GALNTL6: variants seen among roughly 807,000 people sequenced by gnomAD.
GALNTL6 encodes the protein polypeptide N-acetylgalactosaminyltransferase like 6, also known as polypeptide N-acetylgalactosaminyltransferase-like 6.
In GALNTL6, 46 loss-of-function variants were observed where a neutral mutation model predicts 73.7. The observed-to-expected ratio is 0.62, with a 90% CI of 0.49 to 0.80. The LOEUF (loss-of-function observed/expected upper bound fraction) is 0.80, where lower values mean the gene tolerates loss of function less well. Among genes scored for constraint, GALNTL6 ranks in the 30% least tolerant of loss-of-function variants. GALNTL6 has a pLI of 0.00. For missense variants in GALNTL6, 604 were observed against 755.0 expected (o/e 0.80, Z 2.34); for synonymous variants, 259 against 263.7 (o/e 0.98, Z 0.17).
intron 5 of GALNTL6, among the ~76,000 whole-genome samples, chr4:172,471,465 T>C (rs763845452): frequency 1.3e-5 from 2 of 152,240 alleles, no homozygotes; most frequent in Non-Finnish European, 2.9e-5. Context: ...TTGTGCAGTT[T>C]ATTGATGCCA....
At chr4:172,623,362 T>C (rs1228732150) in intron 5 of GALNTL6, among the ~76,000 whole-genome samples, 5 of 151,998 alleles carry the variant, frequency 3.3e-5, no homozygotes, top group Non-Finnish European at 5.9e-5. Context: ...ATCATATGTA[T>C]ATAATTTTAA....
intron 10 of GALNTL6, among the ~76,000 whole-genome samples, chr4:172,958,253 T>A (rs1034838553): frequency 1.3e-5 from 2 of 152,186 alleles, no homozygotes; most frequent in African/African-American, 2.4e-5. Context: ...GCACGCAGAC[T>A]TGAGGGCTAG....
rs116746177 is a variant in GALNTL6, at chr4:172,618,214, G to A, written c.554-191147G>A. 1.1e-3 allele frequency among the ~76,000 whole-genome samples: 166 copies of A among 151,974 alleles called. 1 individual carries two copies. Among genetic ancestry groups the A allele is most frequent in the African/African-American group, 3.8e-3 (159 of 41,378 alleles). ...CTGGCAGCAAAAGGGCTTGGTTTTG[G>A]GCAGCTTGTGCCCCTGGACTGGTCA... On this transcript the variant is annotated intron_variant, in intron 5 of 12. Transcript: ENST00000506823.
chr4:172,738,749 G>C (rs542620708), intron 5 of GALNTL6, among the ~76,000 whole-genome samples: 1 of 152,204 alleles, frequency 6.6e-6, no homozygotes, highest in East Asian at 1.9e-4. Context: ...ATACATTTTA[G>C]GCATACATGA....
chr4:172,415,998 T>C (rs1730816081), intron 5 of GALNTL6, among the ~76,000 whole-genome samples: 1 of 152,194 alleles, frequency 6.6e-6, no homozygotes, highest in African/African-American at 2.4e-5. Flanking sequence ...ACTCCTACTT[T>C]TTCTTTGAGG....
chr4:172,631,295 C>A (rs1000874648), intron 5 of GALNTL6, among the ~76,000 whole-genome samples: 2 of 151,956 alleles, frequency 1.3e-5, no homozygotes, highest in Non-Finnish European at 2.9e-5. Context: ...CAGGCACACA[C>A]CACCATGCCT....
rs980426512 is a variant in GALNTL6, at chr4:172,900,331, G to A, written c.1041+17424G>A. 2.0e-5 allele frequency among the ~76,000 whole-genome samples: 3 copies of A among 152,114 alleles called. No homozygotes were observed. The South Asian group carries it at 6.2e-4, about 32-fold the overall frequency. On this transcript the variant is annotated intron_variant, in intron 8 of 12. Transcript: ENST00000506823. ...CCCAACGTCACTTAGAGATTAAAAT[G>A]TTCTGTCTCTGTTTAATTGTAGAGA...
At chr4:172,710,668 G>T (rs1734647007) in intron 5 of GALNTL6, among the ~76,000 whole-genome samples, 1 of 152,068 alleles carries the variant, frequency 6.6e-6, no homozygotes. Context: ...GTTATAATTT[G>T]CTTCTAGGAA....
At chr4:172,707,019 G>A (rs1734398062) in intron 5 of GALNTL6, among the ~76,000 whole-genome samples, 1 of 152,122 alleles carries the variant, frequency 6.6e-6, no homozygotes, top group South Asian at 2.1e-4. Flanking sequence ...ACCCATGATG[G>A]TGGGGAAACT....
At chr4:172,082,259 T>C (rs1302381109) in intron 2 of GALNTL6, among the ~76,000 whole-genome samples, 1 of 152,124 alleles carries the variant, frequency 6.6e-6, no homozygotes. Flanking sequence ...TTGGAGAAAT[T>C]TAAAAACAAA....
At chr4:172,571,830 C>T (rs537610141) in intron 5 of GALNTL6, among the ~76,000 whole-genome samples, 44 of 152,302 alleles carry the variant, frequency 2.9e-4, no homozygotes, top group African/African-American at 9.9e-4. Context: ...TCTCCGAAGC[C>T]ATGCCCCAGG....
At chr4:172,615,248 A>G (rs923861783) in intron 5 of GALNTL6, among the ~76,000 whole-genome samples, 1 of 150,714 alleles carries the variant, frequency 6.6e-6, no homozygotes. Context: ...CTTCTCTGTC[A>G]TTAGAGAGGG....
intron 2 of GALNTL6, among the ~76,000 whole-genome samples, chr4:172,003,832 C>T (rs1740750333): frequency 6.6e-6 from 1 of 151,872 alleles, no homozygotes; most frequent in Admixed American, 6.6e-5. Context: ...GTCTTTACAC[C>T]CTACTTATTT....
At chr4:172,665,068 G>T (rs1230946341) in intron 5 of GALNTL6, among the ~76,000 whole-genome samples, 3 of 152,082 alleles carry the variant, frequency 2.0e-5, no homozygotes, top group Non-Finnish European at 4.4e-5. Flanking sequence ...TACCTCCCAG[G>T]TTAACCTACC....
At chr4:172,478,749 T>A (rs1448047865) in intron 5 of GALNTL6, among the ~76,000 whole-genome samples, 1 of 152,148 alleles carries the variant, frequency 6.6e-6, no homozygotes, top group African/African-American at 2.4e-5. Context: ...ATTTATGAAC[T>A]ATACTTCTGA....
chr4:172,122,243 A>C (rs1484218784), intron 2 of GALNTL6, among the ~76,000 whole-genome samples: 1 of 151,986 alleles, frequency 6.6e-6, no homozygotes, highest in African/African-American at 2.4e-5. Flanking sequence ...TACCAGCAGA[A>C]GCTACTGAAT....
chr4:171,897,669 G>A (rs1329288970), intron 2 of GALNTL6, among the ~76,000 whole-genome samples: 1 of 151,356 alleles, frequency 6.6e-6, no homozygotes, highest in East Asian at 2.0e-4. Context: ...TTCTTTTTTC[G>A]AGACGGAGTC....
At chr4:172,315,103 C>T (rs958840359) in intron 4 of GALNTL6, among the ~76,000 whole-genome samples, 2 of 152,110 alleles carry the variant, frequency 1.3e-5, no homozygotes, top group Non-Finnish European at 2.9e-5. Flanking sequence ...AAATTTCAAG[C>T]TTTTCACTTT....
intron 8 of GALNTL6, among the ~76,000 whole-genome samples, chr4:172,918,246 G>C (rs1747627594): frequency 6.6e-6 from 1 of 152,028 alleles, no homozygotes; most frequent in Non-Finnish European, 1.5e-5. Flanking sequence ...TTGTGGGGTG[G>C]GGGGAGGCAA....
Sources: gnomAD v4.1 joint callset for allele counts (sites outside exome capture counted in the v4.1 genomes callset) on GRCh38, gnomAD v4.1.1 for gene constraint, MANE v1.5 for transcripts, NCBI Gene and HGNC (gene_info 2026-07-23, HGNC 2026-07-21) for gene names.